Variants in PLEKHB2 observed in about 807,000 individuals in gnomAD.
PLEKHB2 encodes pleckstrin homology domain-containing family B member 2.
Under a neutral mutation model 36.5 loss-of-function variants are expected in PLEKHB2, and 31 were observed. The observed-to-expected ratio is 0.85, with a 90% CI of 0.64 to 1.15. PLEKHB2 has a LOEUF of 1.15. Ranked by LOEUF, PLEKHB2 falls within the 50% of genes most tolerant of loss-of-function variation. PLEKHB2 has a pLI of 0.00. For missense variants in PLEKHB2, 262 were observed against 295.3 expected (o/e 0.89, Z 0.83); for synonymous variants, 119 against 112.0 (o/e 1.06, Z -0.39).
At chr2:131,144,122 G>A (rs920944147) in intron 7 of PLEKHB2, among the ~76,000 whole-genome samples, 1 of 152,118 alleles carries the variant, frequency 6.6e-6, no homozygotes, top group African/African-American at 2.4e-5. Flanking sequence ...TGGGTGCTTT[G>A]CCACCTCCAT....
At chr2:131,112,436 ACAC>A (rs1266650262) in intron 1 of PLEKHB2, among the ~76,000 whole-genome samples, 2 of 152,230 alleles carry the variant, frequency 1.3e-5, no homozygotes, top group Non-Finnish European at 2.9e-5. Flanking sequence ...AATTAATCAA[ACAC>A]AGGGAGATGG....
At position 131,111,576 on chromosome 2, in the gene PLEKHB2, C is replaced by T. The variant is rs551610563; in HGVS notation, c.-9+6178C>T. Among the ~76,000 whole-genome samples the T allele has an allele frequency of 8.8e-4, 133 of 151,058 alleles. 1 individual carries two copies. The highest frequency in any genetic ancestry group is 2.9e-3 in the African/African-American group (121 of 41,152). ...CACTATCTCGGCTCACTGCAAGCTC[C>T]GCCTCCCGGGTTCACGCCATTCTCC... On this transcript the variant is annotated intron_variant, in intron 1 of 7. Coordinates refer to ENST00000693505, the MANE Select transcript of PLEKHB2 (RefSeq NM_001100623.2).
chr2:131,115,678 T>C (rs1695802455), intron 1 of PLEKHB2, among the ~76,000 whole-genome samples: 1 of 152,140 alleles, frequency 6.6e-6, no homozygotes, highest in Non-Finnish European at 1.5e-5. Flanking sequence ...CTTTAACACA[T>C]TCTACTGTAA....
At chr2:131,114,433 A>G (rs1025449893) in intron 1 of PLEKHB2, among the ~76,000 whole-genome samples, 1 of 152,114 alleles carries the variant, frequency 6.6e-6, no homozygotes, top group African/African-American at 2.4e-5. Context: ...TGCCCTGGAG[A>G]CATTTTGCCC....
chr2:131,122,899 A>G (rs997312489), intron 2 of PLEKHB2, among the ~76,000 whole-genome samples: 1 of 152,204 alleles, frequency 6.6e-6, no homozygotes, highest in Non-Finnish European at 1.5e-5. Flanking sequence ...CCCCATGGTC[A>G]GGGGACATGG....
intron 1 of PLEKHB2, chr2:131,120,727 A>G: frequency 1.6e-6 from 1 of 633,986 alleles, no homozygotes; most frequent in Non-Finnish European, 2.9e-6. Context: ...GCTGAAGGCG[A>G]GTGTGGGAGG....
At chr2:131,105,446 G>A (rs1211222542) in intron 1 of PLEKHB2, 48 bp downstream of exon 1, 1 of 152,912 alleles carries the variant, frequency 6.5e-6, no homozygotes, top group Non-Finnish European at 1.5e-5. Context: ...TTTCCCCTCT[G>A]GCCCGCGCCT....
chr2:131,146,940 G>A lies in PLEKHB2; in HGVS notation c.*167G>A, dbSNP rs756390812. 1.3e-5 allele frequency: 7 copies of A among 558,612 alleles called. No individual in the cohort carries two copies. The highest frequency in any genetic ancestry group is 1.8e-5 in the Non-Finnish European group (6 of 333,538). 34.6% of individuals were successfully genotyped at this position (558,612 alleles called of 1,614,324 possible). ...AATCCACATAAGTACCACAGAGAAG[G>A]GTTTGAACTGTGCTATTTTGTTCAA... On this transcript the variant is annotated 3_prime_UTR_variant, in exon 8 of 8. Coordinates refer to ENST00000693505, the MANE Select transcript of PLEKHB2 (RefSeq NM_001100623.2).
chr2:131,140,316 T>A (rs1394453923), intron 7 of PLEKHB2, 41 bp downstream of exon 7: 1 of 1,078,750 alleles, frequency 9.3e-7, no homozygotes, highest in Non-Finnish European at 1.4e-6. Context: ...TCTCTCCATT[T>A]GCTGAGTAGA....
chr2:131,130,749 AG>A lies in PLEKHB2; in HGVS notation c.324del (p.Thr109GlnfsTer11). On this transcript the variant is annotated frameshift_variant, in exon 5 of 8. Transcript: ENST00000693505. LOFTEE classifies it high-confidence loss of function. ...CTGGAAATTTACACTCCAAGATTCTAGGACAAACACAGTAAGTTGCTAATGG... is the reference window on the plus strand; with the variant it reads ...CTGGAAATTTACACTCCAAGATTCTAGACAAACACAGTAAGTTGCTAATGG... ...LAWKFTLQDS[R>X]TNTAYVGSAV... The A allele has an allele frequency of 6.2e-7, 1 of 1,611,018 alleles. No individual in the cohort carries two copies. Among genetic ancestry groups the A allele is most frequent in the Non-Finnish European group, 8.5e-7 (1 of 1,177,468 alleles).
In PLEKHB2 at chr2:131,130,753, C is replaced by T; in HGVS notation, c.326C>T (p.Thr109Ile). 1.2e-6 allele frequency: 2 copies of T among 1,607,936 alleles called. No individual in the cohort carries two copies. The highest frequency in any genetic ancestry group is 1.7e-6 in the Non-Finnish European group (2 of 1,174,940). The change falls in exon 5 of 8, where the codon ACA (threonine) becomes ATA (isoleucine). Residue 109 changes from threonine (T) to isoleucine (I), a missense_variant. Physicochemically the swap from Thr to Ile is moderately conservative, Grantham distance 89 (BLOSUM62 -1). Transcript: ENST00000693505. ...AAATTTACACTCCAAGATTCTAGGA[C>T]AAACACAGTAAGTTGCTAATGGCAA... Reference protein sequence around the residue: ...AWKFTLQDSRTNTAYVGSAVM... With the variant: ...AWKFTLQDSRINTAYVGSAVM...
intron 2 of PLEKHB2, among the ~76,000 whole-genome samples, chr2:131,122,757 A>G (rs959326203): frequency 2.0e-5 from 3 of 152,202 alleles, no homozygotes; most frequent in African/African-American, 2.4e-5. Context: ...GCTGAACTGT[A>G]TGTCCCCTTG....
intron 2 of PLEKHB2, among the ~76,000 whole-genome samples, chr2:131,121,274 A>T (rs1379062104): frequency 6.6e-6 from 1 of 152,050 alleles, no homozygotes; most frequent in Non-Finnish European, 1.5e-5. Context: ...TTATTTTTTG[A>T]GGCAGAGTTT....
chr2:131,117,127 A>G (rs1695961598), intron 1 of PLEKHB2, among the ~76,000 whole-genome samples: 1 of 152,026 alleles, frequency 6.6e-6, no homozygotes, highest in Non-Finnish European at 1.5e-5. Context: ...CCAAAAAAAA[A>G]GATAGCAAAT....
chr2:131,136,570 T>A (rs1437196113), intron 6 of PLEKHB2, among the ~76,000 whole-genome samples: 1 of 151,790 alleles, frequency 6.6e-6, no homozygotes, highest in Non-Finnish European at 1.5e-5. Flanking sequence ...AGTGTTTGGT[T>A]TTCACATACT....
chr2:131,122,513 A>T (rs985254874), intron 2 of PLEKHB2, among the ~76,000 whole-genome samples: 4 of 152,150 alleles, frequency 2.6e-5, no homozygotes, highest in Admixed American at 1.3e-4. Flanking sequence ...TGTTAAATAG[A>T]TTTTATGTAT....
At chr2:131,120,861 G>T (rs773151529) in intron 1 of PLEKHB2, 73 bp from the exon 2 acceptor site, 1 of 1,462,576 alleles carries the variant, frequency 6.8e-7, no homozygotes, top group Admixed American at 1.7e-5. Flanking sequence ...AGGGGATAAG[G>T]ATAGAGACTC....
intron 2 of PLEKHB2, among the ~76,000 whole-genome samples, chr2:131,124,247 G>A (rs72982486): frequency 0.01 from 1,528 of 152,308 alleles, 17 homozygotes; most frequent in African/African-American, 0.031. Flanking sequence ...GGTGAGGAGA[G>A]TGCCTGATAC....
rs545681284 is a variant in PLEKHB2 at position 131,146,824 on chromosome 2, A to G, written c.*51A>G. On this transcript the variant is annotated 3_prime_UTR_variant, in exon 8 of 8. Coordinates refer to ENST00000693505, the MANE Select transcript of PLEKHB2 (RefSeq NM_001100623.2). ...GCTTCTGATAACCCTGTGTGCAATA[A>G]TATGATTTGCAGGGCATTTCTGTTT... The G allele has an allele frequency of 1.6e-5, 23 of 1,462,328 alleles. 1 individual carries two copies. Among genetic ancestry groups the G allele is most frequent in the Middle Eastern group, 3.6e-4 (2 of 5,572 alleles). 90.6% of individuals were successfully genotyped at this position (1,462,328 alleles called of 1,614,324 possible). A position where few individuals can be genotyped will look rare whatever the true frequency, so the allele number is the denominator to read the frequency against.
Sources: allele counts gnomAD v4.1 joint callset (sites outside exome capture counted in the v4.1 genomes callset), GRCh38; gene constraint gnomAD v4.1.1; transcripts MANE v1.5; gene names NCBI Gene and HGNC (gene_info 2026-07-23, HGNC 2026-07-21).